STAC: variants seen among roughly 807,000 people sequenced by gnomAD.
STAC encodes the protein SH3 and cysteine rich domain, also known as SH3 and cysteine-rich domain-containing protein.
In STAC, 43 loss-of-function variants were observed where a neutral mutation model predicts 48.8. That is an observed-to-expected ratio of 0.88 (90% confidence interval 0.69 to 1.14). STAC has a LOEUF of 1.14. STAC is among the 50% of genes most tolerant of loss of function. The pLI is 0.00. For missense variants in STAC, 497 were observed against 504.0 expected, an observed-to-expected ratio of 0.99 and a Z score of 0.13; for synonymous variants, 193 against 179.5, an observed-to-expected ratio of 1.07 and a Z score of -0.60.
chr3:36,520,674 A>C (rs1698778270), intron 8 of STAC, among the ~76,000 whole-genome samples: 1 of 152,174 alleles, frequency 6.6e-6, no homozygotes, highest in Non-Finnish European at 1.5e-5. Flanking sequence ...AGGACATCAA[A>C]ATGCAATTAA....
chr3:36,465,330 T>A (rs912619435), intron 2 of STAC, among the ~76,000 whole-genome samples: 2 of 152,206 alleles, frequency 1.3e-5, no homozygotes, highest in African/African-American at 4.8e-5. Flanking sequence ...TCCTGATTTG[T>A]TTGAGTTCCT....
chr3:36,492,031 A>AAAATATATATATATAT (rs1553639882), intron 5 of STAC, among the ~76,000 whole-genome samples: 1 of 16,442 alleles, frequency 6.1e-5, no homozygotes, highest in African/African-American at 1.9e-4. Context: ...AAAAAAAAAA[A>AAAATATATATATATAT]ATATATATAT....
intron 8 of STAC, among the ~76,000 whole-genome samples, chr3:36,517,700 A>G (rs1698705937): frequency 6.6e-6 from 1 of 152,118 alleles, no homozygotes; most frequent in South Asian, 2.1e-4. Flanking sequence ...TAGAATACAA[A>G]CTGGAGAACC....
chr3:36,483,762 G>A (rs1460233369), intron 3 of STAC, among the ~76,000 whole-genome samples: 1 of 152,104 alleles, frequency 6.6e-6, no homozygotes, highest in African/African-American at 2.4e-5. Context: ...GACCAGCCTG[G>A]GCAACATGGC....
At chr3:36,390,451 C>CTTTT (rs59589769) in intron 1 of STAC, among the ~76,000 whole-genome samples, 872 of 80,612 alleles carry the variant, frequency 0.011, no homozygotes, top group Middle Eastern at 0.03. Flanking sequence ...TTTTTCTTTT[C>CTTTT]TTTTTTTTTT....
chr3:36,429,147 T>C (rs1700631938), intron 1 of STAC, among the ~76,000 whole-genome samples: 1 of 152,158 alleles, frequency 6.6e-6, no homozygotes, highest in Non-Finnish European at 1.5e-5. Flanking sequence ...TCAAGGATGA[T>C]TCCAAGGTTT....
intron 1 of STAC, among the ~76,000 whole-genome samples, chr3:36,412,453 G>C (rs1474059231): frequency 6.6e-6 from 1 of 152,038 alleles, no homozygotes; most frequent in African/African-American, 2.4e-5. Context: ...TAAAGGGAAA[G>C]AGAAGTAGGA....
In STAC at chr3:36,380,567, C is replaced by G. The variant is rs1699484059; in HGVS notation, c.-77C>G. On this transcript the variant is annotated 5_prime_UTR_variant, in exon 1 of 11. Transcript: ENST00000273183. ...CAGGACCCGGAGCTGAGCAGCCTGG[C>G]GCGCGGCGGGCAGGGCGCGCAGGAC... The G allele has an allele frequency of 2.5e-6, 3 of 1,213,762 alleles. No individual in the cohort carries two copies. Among genetic ancestry groups the G allele is most frequent in the African/African-American group, 3.1e-5 (2 of 65,276 alleles). 75.2% of individuals were successfully genotyped at this position (1,213,762 alleles called of 1,614,324 possible). A position where few individuals can be genotyped will look rare whatever the true frequency, so the allele number is the denominator to read the frequency against.
chr3:36,479,028 C>T (rs192506332), intron 2 of STAC, among the ~76,000 whole-genome samples: 3 of 152,226 alleles, frequency 2.0e-5, no homozygotes, highest in Non-Finnish European at 4.4e-5. Flanking sequence ...AGTGGGATAC[C>T]GCTTACCTTT....
At chr3:36,413,657 G>A (rs1409655463) in intron 1 of STAC, among the ~76,000 whole-genome samples, 1 of 152,106 alleles carries the variant, frequency 6.6e-6, no homozygotes, top group African/African-American at 2.4e-5. Context: ...TTTAATTGGA[G>A]CATTTAGCCC....
chr3:36,449,204 A>AC (rs1267416399), intron 2 of STAC, among the ~76,000 whole-genome samples: 1 of 152,082 alleles, frequency 6.6e-6, no homozygotes, highest in South Asian at 2.1e-4. Context: ...TGTCTAGCCT[A>AC]CCCCCTTTGG....
intron 2 of STAC, among the ~76,000 whole-genome samples, chr3:36,454,150 T>G (rs913160304): frequency 6.6e-6 from 1 of 152,084 alleles, no homozygotes; most frequent in African/African-American, 2.4e-5. Context: ...CCCGCTCGGA[T>G]CCTCTTCCAC....
chr3:36,443,488 TCAGCCC>T lies in STAC; in HGVS notation c.241_246del (p.Pro81_Ser82del). ...CTGCAAGCACACATGGTGGCTGAGATCAGCCCCAGCTCCAGCCCACTCCCTGCTCCA... is the reference window on the plus strand; with the variant it reads ...CTGCAAGCACACATGGTGGCTGAGATCAGCTCCAGCCCACTCCCTGCTCCA... On this transcript the variant is annotated inframe_deletion, in exon 2 of 11. Transcript: ENST00000273183. The surrounding 1 kb of genome is among the most constrained non-coding windows in gnomAD (Gnocchi z 4.2). The T allele has an allele frequency of 6.2e-7, 1 of 1,614,192 alleles. No individual in the cohort carries two copies. The highest frequency in any genetic ancestry group is 8.5e-7 in the Non-Finnish European group (1 of 1,180,046).
intron 2 of STAC, among the ~76,000 whole-genome samples, chr3:36,462,033 T>A (rs1697033815): frequency 5.3e-5 from 8 of 152,134 alleles, no homozygotes; most frequent in Admixed American, 4.6e-4. Flanking sequence ...GTTAGGAGGC[T>A]ATTACAGTAA....
chr3:36,512,160 A>G (rs953508521), intron 8 of STAC, among the ~76,000 whole-genome samples: 3 of 152,180 alleles, frequency 2.0e-5, no homozygotes, highest in African/African-American at 7.2e-5. Context: ...ATTGCTGAGT[A>G]AAATCGTCAT....
At chr3:36,537,549 GGCGT>G (rs1699228052) in intron 10 of STAC, among the ~76,000 whole-genome samples, 1 of 151,970 alleles carries the variant, frequency 6.6e-6, no homozygotes, top group Non-Finnish European at 1.5e-5. Flanking sequence ...TTGGGGCAGG[GGCGT>G]GGTGGGGTAG....
intron 2 of STAC, among the ~76,000 whole-genome samples, chr3:36,474,889 C>T (rs1697448741): frequency 6.6e-6 from 1 of 152,110 alleles, no homozygotes; most frequent in Admixed American, 6.5e-5. Flanking sequence ...CATTTTTAAT[C>T]CCTTCCTACC....
At chr3:36,505,863 A>G (rs367945209) in intron 8 of STAC, 29 bp downstream of exon 8, 3 of 1,494,622 alleles carry the variant, frequency 2.0e-6, no homozygotes, top group African/African-American at 2.8e-5. Context: ...GAAAAAAAAG[A>G]GTAAAATTTT....
At chr3:36,519,818 A>G (rs1469935439) in intron 8 of STAC, among the ~76,000 whole-genome samples, 5 of 152,218 alleles carry the variant, frequency 3.3e-5, no homozygotes, top group Non-Finnish European at 7.3e-5. Flanking sequence ...TGAGAACTCA[A>G]TATATCACAT....
Sources: allele counts gnomAD v4.1 joint callset (sites outside exome capture counted in the v4.1 genomes callset), GRCh38; gene constraint gnomAD v4.1.1; non-coding constraint Gnocchi (gnomAD v3.1); transcripts MANE v1.5; gene names NCBI Gene and HGNC (gene_info 2026-07-23, HGNC 2026-07-21).